Variants in POFUT2 observed in about 807,000 individuals in gnomAD.
POFUT2 encodes protein O-fucosyltransferase 2.
POFUT2 carries 30 observed loss-of-function variants against 55.0 expected under a neutral mutation model. The ratio of observed to expected loss-of-function variants is 0.55; its 90% confidence interval spans 0.41 to 0.74. The LOEUF (loss-of-function observed/expected upper bound fraction) is 0.74, where lower values mean the gene tolerates loss of function less well. POFUT2 is among the 30% of genes least tolerant of loss of function. The pLI is 0.00. For missense variants in POFUT2, 524 were observed against 562.6 expected, an observed-to-expected ratio of 0.93 and a Z score of 0.69; for synonymous variants, 267 against 231.1, an observed-to-expected ratio of 1.16 and a Z score of -1.41.
intron 2 of POFUT2, 78 bp from the exon 3 acceptor site, chr21:45,283,605 G>A (rs1377531952): frequency 6.8e-7 from 1 of 1,461,690 alleles, no homozygotes; most frequent in Non-Finnish European, 9.5e-7. Flanking sequence ...GTCACCAGCA[G>A]CTGACTCTTA....
rs199795280 is a variant in POFUT2, at chr21:45,269,817, C to G, written c.1012+22G>C. The G allele has an allele frequency of 3.2e-6, 5 of 1,579,232 alleles. No individual in the cohort carries two copies. The South Asian group carries it at 3.6e-5, about 11-fold the overall frequency. On this transcript the variant is annotated intron_variant, in intron 7 of 8. Transcript: ENST00000349485. ...AATAAATTAAAAGAAAGGAAAGAAACGAAAGCATTGAAGCTCCATACCCTT... is the reference window on the plus strand; with the variant it reads ...AATAAATTAAAAGAAAGGAAAGAAAGGAAAGCATTGAAGCTCCATACCCTT...
chr21:45,276,652 A>T (rs1205658261), intron 6 of POFUT2, among the ~76,000 whole-genome samples: 1 of 152,132 alleles, frequency 6.6e-6, no homozygotes, highest in Non-Finnish European at 1.5e-5. Context: ...TCTCTTTATC[A>T]ATCAAGTCAA....
In POFUT2 at chr21:45,277,275, C is replaced by T. The variant is rs181352655; in HGVS notation, c.706-133G>A. On this transcript the variant is annotated intron_variant, in intron 5 of 8. Transcript: ENST00000349485. This position sits in a 1 kb window ranked among gnomAD's most constrained non-coding sequence, Gnocchi z 6.9. ...GCCCCTCAGACACGTCATCCACGGT[C>T]GCCTGAGAAGCAGCGCCATCCACGG... is the stretch of plus-strand genomic sequence containing the variant. The T allele has an allele frequency of 6.9e-4, 856 of 1,231,850 alleles. 2 individuals are homozygous for T. Among genetic ancestry groups the T allele is most frequent in the Middle Eastern group, 2.6e-3 (9 of 3,494 alleles). 76.3% of individuals were successfully genotyped at this position (1,231,850 alleles called of 1,614,324 possible).
At chr21:45,286,544 G>A (rs1222165596) in intron 1 of POFUT2, among the ~76,000 whole-genome samples, 2 of 152,216 alleles carry the variant, frequency 1.3e-5, no homozygotes, top group Non-Finnish European at 2.9e-5. Context: ...AAACTCCACA[G>A]TGCATTCATG....
chr21:45,268,538 G>A (rs1367454800), intron 7 of POFUT2, among the ~76,000 whole-genome samples: 1 of 151,446 alleles, frequency 6.6e-6, no homozygotes, highest in Non-Finnish European at 1.5e-5. Context: ...AGGAAGTGAG[G>A]AGCACCTCTT....
rs534951129 is a variant in POFUT2, at chr21:45,265,686, G to C, written c.1137-51C>G. ...AGTCAGGGAGAACTGGCGTCACAGA[G>C]GTTCCAGAGTCAGGGAGAACTGAGA... On this transcript the variant is annotated intron_variant, in intron 8 of 8. Coordinates refer to ENST00000349485, the MANE Select transcript of POFUT2 (RefSeq NM_133635.6). This position sits in a 1 kb window ranked among gnomAD's most constrained non-coding sequence, Gnocchi z 4.6. 2.0e-6 allele frequency: 2 copies of C among 979,238 alleles called. No individual in the cohort carries two copies. The highest frequency in any genetic ancestry group is 2.7e-5 in the South Asian group (1 of 36,630). 60.7% of individuals were successfully genotyped at this position (979,238 alleles called of 1,614,324 possible). A position where few individuals can be genotyped will look rare whatever the true frequency, so the allele number is the denominator to read the frequency against.
Position 45,284,319 on chromosome 21 carries a change from C to T in POFUT2, c.383-792G>A, listed in dbSNP as rs768414617. On this transcript the variant is annotated intron_variant, in intron 2 of 8. Transcript: ENST00000349485. The surrounding 1 kb of genome is among the most constrained non-coding windows in gnomAD (Gnocchi z 5.8). ...ACTCATGACTGGGGGCTAAGGGCTG[C>T]GTGGCCTAAGGGCCTGAGGCCACAG... Among the ~76,000 whole-genome samples, 6 of 152,184 alleles carry T rather than the reference C, an allele frequency of 3.9e-5. No individual in the cohort carries two copies. The highest frequency in any genetic ancestry group is 1.2e-4 in the African/African-American group (5 of 41,430).
rs1336699264 is a variant in POFUT2 at position 45,282,987 on chromosome 21, G to T, written c.527+396C>A. 2 of 463,624 alleles carry T rather than the reference G, an allele frequency of 4.3e-6. No individual in the cohort carries two copies. The highest frequency in any genetic ancestry group is 2.4e-5 in the Admixed American group (1 of 42,178). The allele number at this position is 463,624 out of a possible 1,614,324, so 28.7% of individuals were successfully genotyped here. On this transcript the variant is annotated intron_variant, in intron 3 of 8. Transcript: ENST00000349485. This position sits in a 1 kb window ranked among gnomAD's most constrained non-coding sequence, Gnocchi z 4.6. ...AAAAGACACAGGGAAAGAGGCACGG[G>T]GTCTCAGCCAGATGTTCATCACGGC...
rs138134710 is a variant in POFUT2, at chr21:45,275,514, C to T, written c.831+1503G>A. Among the ~76,000 whole-genome samples, 126 of 152,304 alleles carry T rather than the reference C, an allele frequency of 8.3e-4. No homozygotes were observed. In the Middle Eastern group the frequency reaches 0.014, roughly 16 times the overall value. The stretch of plus-strand genomic sequence containing the variant: ...ATCCACAGCTGCAAAAACATGGAAC[C>T]GGCCTGAATGCCCATTGACCAATGA... On this transcript the variant is annotated intron_variant, in intron 6 of 8. Transcript: ENST00000349485.
rs2146574776 is a variant in POFUT2 at position 45,270,833 on chromosome 21, C to T, written c.832-814G>A. ...CTGCAGCCCAGCTCTCAGGGAGCCC[C>T]ATCCCTAGGGGAAGGCGAAGAGCGC... On this transcript the variant is annotated intron_variant, in intron 6 of 8. Coordinates refer to ENST00000349485, the MANE Select transcript of POFUT2 (RefSeq NM_133635.6). This position sits in a 1 kb window ranked among gnomAD's most constrained non-coding sequence, Gnocchi z 4.6. 6.6e-6 allele frequency among the ~76,000 whole-genome samples: 1 copy of T among 152,374 alleles called. No homozygotes were observed. The highest frequency in any genetic ancestry group is 1.9e-4 in the East Asian group (1 of 5,188).
chr21:45,274,460 A>G (rs368322541), intron 6 of POFUT2, among the ~76,000 whole-genome samples: 1 of 152,114 alleles, frequency 6.6e-6, no homozygotes, highest in East Asian at 1.9e-4. Flanking sequence ...AAAAACAAAA[A>G]CCTAAAATTC....
intron 1 of POFUT2, among the ~76,000 whole-genome samples, chr21:45,286,962 G>C (rs1411798752): frequency 6.6e-6 from 1 of 152,088 alleles, no homozygotes; most frequent in Admixed American, 6.5e-5. Flanking sequence ...TCCCGGCTCC[G>C]CACACCCAGG....
rs367834686 is a variant in POFUT2 at position 45,267,499 on chromosome 21, G to A, written c.1136+91C>T. On this transcript the variant is annotated intron_variant, in intron 8 of 8. Transcript: ENST00000349485. This position sits in a 1 kb window ranked among gnomAD's most constrained non-coding sequence, Gnocchi z 4.4. ...GGAAATGACCACTGTGAACACAGGC[G>A]ACCATCTGCTCTGACACCGAGTACT... is the stretch of plus-strand genomic sequence containing the variant. The A allele has an allele frequency of 2.2e-5, 35 of 1,614,020 alleles. No individual in the cohort carries two copies. The highest frequency in any genetic ancestry group is 1.7e-4 in the African/African-American group (13 of 74,936).
In POFUT2 at chr21:45,267,633, C is replaced by T. The variant is rs768097875; in HGVS notation, c.1093G>A (p.Gly365Arg). 6 of 1,614,094 alleles carry T rather than the reference C, an allele frequency of 3.7e-6. No homozygotes were observed. Among genetic ancestry groups the T allele is most frequent in the South Asian group, 2.2e-5 (2 of 91,094 alleles). ...TWEELELYKD[G>R]GVAIIDQWIC... is the part of the protein sequence containing the mutation. The stretch of plus-strand genomic sequence containing the variant: ...CACTGGTCAATAATCGCAACGCCTC[C>T]GTCCTTGTAGAGCTCCAGCTCCTCC... Residue 365 changes from glycine (G) to arginine (R), a missense_variant, in exon 8 of 9, where the codon GGA becomes AGA. Physicochemically the swap from Gly to Arg is moderately radical, Grantham distance 125. This residue lies in a region of POFUT2 where 250 missense variants were observed against 318.2 expected (regional missense o/e 0.79). Coordinates refer to ENST00000349485, the MANE Select transcript of POFUT2 (RefSeq NM_133635.6). The surrounding 1 kb of genome is among the most constrained non-coding windows in gnomAD (Gnocchi z 4.4).
Position 45,267,854 on chromosome 21 carries a change from A to G in POFUT2, c.1013-141T>C. 1 of 713,214 alleles carries G rather than the reference A, an allele frequency of 1.4e-6. No individual in the cohort carries two copies. Among genetic ancestry groups the G allele is most frequent in the South Asian group, 1.7e-5 (1 of 58,312 alleles). 44.2% of individuals were successfully genotyped at this position (713,214 alleles called of 1,614,324 possible). A position where few individuals can be genotyped will look rare whatever the true frequency, so the allele number is the denominator to read the frequency against. On this transcript the variant is annotated intron_variant, in intron 7 of 8. Transcript: ENST00000349485. The surrounding 1 kb of genome is among the most constrained non-coding windows in gnomAD (Gnocchi z 4.4). ...CTCCAAAGGTGCAGACACACAACTC[A>G]GCTTTACCCTCCCAGGAATTACAGT...
chr21:45,271,666 T>C (rs533943065), intron 6 of POFUT2, among the ~76,000 whole-genome samples: 2 of 152,340 alleles, frequency 1.3e-5, no homozygotes, highest in South Asian at 4.1e-4. Flanking sequence ...CCAGGTAACC[T>C]ATAAAGGAAA....
At position 45,284,748 on chromosome 21, in the gene POFUT2, C is replaced by A. The variant is rs1419897124; in HGVS notation, c.382+930G>T. Among the ~76,000 whole-genome samples the A allele has an allele frequency of 6.6e-6, 1 of 152,186 alleles. No homozygotes were observed. The highest frequency in any genetic ancestry group is 1.5e-5 in the Non-Finnish European group (1 of 68,040). On this transcript the variant is annotated intron_variant, in intron 2 of 8. Coordinates refer to ENST00000349485, the MANE Select transcript of POFUT2 (RefSeq NM_133635.6). The surrounding 1 kb of genome is among the most constrained non-coding windows in gnomAD (Gnocchi z 5.8). Reference sequence around the variant, plus strand: ...GCTGCTAGTTAGACCCAATACCCAACCACAGCTTTCATCTTCCAGGACTCA... The same window carrying A: ...GCTGCTAGTTAGACCCAATACCCAAACACAGCTTTCATCTTCCAGGACTCA...
intron 3 of POFUT2, among the ~76,000 whole-genome samples, chr21:45,283,168 A>G (rs1380624264): frequency 1.3e-5 from 2 of 148,332 alleles, no homozygotes; most frequent in Non-Finnish European, 3.0e-5. Flanking sequence ...CAGCATGGGC[A>G]GCGAGGGCAC....
At chr21:45,268,781 G>A (rs1391502258) in intron 7 of POFUT2, among the ~76,000 whole-genome samples, 12 of 150,096 alleles carry the variant, frequency 8.0e-5, no homozygotes, top group Non-Finnish European at 1.0e-4. Flanking sequence ...GAGCGTCTCC[G>A]CCCGGCAGCC....
Sources: gnomAD v4.1 joint callset for allele counts (sites outside exome capture counted in the v4.1 genomes callset) on GRCh38, gnomAD v4.1.1 for gene constraint, gnomAD v4.1.1 regional missense constraint, Gnocchi (gnomAD v3.1) non-coding constraint, MANE v1.5 for transcripts, NCBI Gene and HGNC (gene_info 2026-07-23, HGNC 2026-07-21) for gene names.